The following RACK1 variants were observed in gnomAD, a reference collection of about 807,000 sequenced individuals.
RACK1 encodes small ribosomal subunit protein RACK1.
RACK1 carries 3 observed loss-of-function variants against 42.2 expected under a neutral mutation model. The observed-to-expected ratio is 0.07, with a 90% CI of 0.03 to 0.18. RACK1 has a LOEUF of 0.18. Among genes scored for constraint, RACK1 ranks in the 10% least tolerant of loss-of-function variants. The pLI, the probability that RACK1 is intolerant of heterozygous loss-of-function variation, is 1.00. For missense variants in RACK1, 146 were observed against 403.2 expected, an observed-to-expected ratio of 0.36 and a Z score of 5.46; for synonymous variants, 181 against 154.8, an observed-to-expected ratio of 1.17 and a Z score of -1.25.
intron 1 of RACK1, 99 bp from the exon 2 acceptor site, chr5:181,242,444 A>G: frequency 2.7e-6 from 2 of 752,028 alleles, no homozygotes; most frequent in Non-Finnish European, 4.4e-6. Flanking sequence ...GTGGGTTAAC[A>G]ACAACTAAGG....
chr5:181,241,766 C>T (rs1271622646), intron 2 of RACK1, 127 bp from the exon 3 acceptor site: 1 of 1,014,916 alleles, frequency 9.9e-7, no homozygotes, highest in Non-Finnish European at 1.6e-6. Context: ...GCTCTGATCA[C>T]AGAGTCAAGT....
At position 181,241,476 on chromosome 5, in the gene RACK1, A is replaced by T. The variant is rs1389434490; in HGVS notation, c.429+16T>A. 6.3e-7 allele frequency: 1 copy of T among 1,585,852 alleles called. No individual in the cohort carries two copies. Among genetic ancestry groups the T allele is most frequent in the Admixed American group, 1.7e-5 (1 of 59,526 alleles). On this transcript the variant is annotated intron_variant, in intron 3 of 7. Transcript: ENST00000512805. ...TTAAGAGGGTGGAAGAGATCCTTGG[A>T]GATGGCTCACTTTACCTGGACAGTG...
chr5:181,241,294 T>C lies in RACK1; in HGVS notation c.429+198A>G, dbSNP rs1258449247. The C allele has an allele frequency of 6.7e-5, 36 of 541,250 alleles. No individual in the cohort carries two copies. The Admixed American group carries it at 1.1e-3, about 17-fold the overall frequency. 33.5% of individuals were successfully genotyped at this position (541,250 alleles called of 1,614,324 possible). On this transcript the variant is annotated intron_variant, in intron 3 of 7. Coordinates refer to ENST00000512805, the MANE Select transcript of RACK1 (RefSeq NM_006098.5). ...AACACAAAAAATTAGCTAGGCGTGGTGGCTGCGCACCTGTAGTACCAGCTA... is the reference window on the plus strand; with the variant it reads ...AACACAAAAAATTAGCTAGGCGTGGCGGCTGCGCACCTGTAGTACCAGCTA...
Position 181,237,599 on chromosome 5 carries a change from A to G in RACK1, c.888+10T>C, listed in dbSNP as rs762831199. The stretch of plus-strand genomic sequence containing the variant: ...GAAGCAGAATCACCTGAGAGGACAG[A>G]CCCACTTACCTGGCCATCAGCAGAC... On this transcript the variant is annotated intron_variant, in intron 7 of 7. Transcript: ENST00000512805. The G allele has an allele frequency of 2.1e-6, 3 of 1,430,328 alleles. No individual in the cohort carries two copies. Among genetic ancestry groups the G allele is most frequent in the African/African-American group, 2.8e-5 (2 of 71,412 alleles). 88.6% of individuals were successfully genotyped at this position (1,430,328 alleles called of 1,614,324 possible). A position where few individuals can be genotyped will look rare whatever the true frequency, so the allele number is the denominator to read the frequency against.
At position 181,243,887 on chromosome 5, in the gene RACK1, C is replaced by A; in HGVS notation, c.-87G>T. ...CTAGCACCACAACCTCTCCTGCCGC[C>A]GCCTTGCAGTGAAAGAGAGAGAGAA... On this transcript the variant is annotated 5_prime_UTR_variant, in exon 1 of 8. Transcript: ENST00000512805. 6.8e-7 allele frequency: 1 copy of A among 1,478,402 alleles called. No homozygotes were observed. Among genetic ancestry groups the A allele is most frequent in the Non-Finnish European group, 9.0e-7 (1 of 1,111,660 alleles). The allele number at this position is 1,478,402 out of a possible 1,614,324, so 91.6% of individuals were successfully genotyped here.
intron 1 of RACK1, 136 bp downstream of exon 1, chr5:181,243,556 T>C (rs748101749): frequency 1.3e-4 from 187 of 1,400,864 alleles, no homozygotes; most frequent in Non-Finnish European, 1.8e-4. Context: ...CAATTCACAA[T>C]GGGGCAGAGA....
chr5:181,243,324 A>G, intron 1 of RACK1: 1 of 1,364,998 alleles, frequency 7.3e-7, no homozygotes, highest in Non-Finnish European at 9.7e-7. Flanking sequence ...GCTCAGAAAC[A>G]GCCTCTGGAT....
intron 5 of RACK1, chr5:181,238,848 C>T (rs1759235600): frequency 3.5e-6 from 2 of 570,802 alleles, no homozygotes; most frequent in African/African-American, 1.9e-5. Flanking sequence ...AAAAAACCCA[C>T]AGGCTTATAG....
intron 1 of RACK1, chr5:181,243,300 T>G: frequency 7.4e-7 from 1 of 1,358,988 alleles, no homozygotes; most frequent in East Asian, 4.5e-5. Context: ...CCACGAGCCT[T>G]GGGCCGGGCG....
chr5:181,238,295 G>C, intron 5 of RACK1, 56 bp from the exon 6 acceptor site: 1 of 1,565,744 alleles, frequency 6.4e-7, no homozygotes, highest in Non-Finnish European at 8.8e-7. Context: ...TGTTAATTCT[G>C]CCCATCTCAA....
chr5:181,241,970 C>T (rs1759363708), intron 2 of RACK1: 3 of 774,588 alleles, frequency 3.9e-6, no homozygotes, highest in Non-Finnish European at 7.0e-6. Context: ...AACTTTTGCA[C>T]CTGGCAAAAA....
chr5:181,238,916 T>A, intron 5 of RACK1, 151 bp downstream of exon 5: 1 of 731,598 alleles, frequency 1.4e-6, no homozygotes, highest in East Asian at 2.6e-5. Context: ...GAAAGTAATC[T>A]TTGGAAACAT....
At chr5:181,237,760 A>C (rs1582292581) in intron 6 of RACK1, 41 bp from the exon 7 acceptor site, 2 of 546,044 alleles carry the variant, frequency 3.7e-6, no homozygotes, top group Non-Finnish European at 5.1e-6. Context: ...CTTACCAATC[A>C]AGAGAGTCTC....
At chr5:181,241,255 CCT>C (rs1759333513) in intron 3 of RACK1, 1 of 435,556 alleles carries the variant, frequency 2.3e-6, no homozygotes, top group South Asian at 3.3e-5. Context: ...ATGGTGAAAC[CCT>C]GTCTCTACTA....
In RACK1 at chr5:181,243,771, G is replaced by C; in HGVS notation, c.30C>G (p.Thr10=). ...TTACCCAGCCGTTGTGGCCCTTGAG[G>C]GTGCCACGAAGGGTCATCTGCTCAG... is the stretch of plus-strand genomic sequence containing the variant. The part of the protein sequence containing the change: MTEQMTLRG[T]LKGHNGWVTQ... The change falls in exon 1 of 8, where the codon ACC becomes ACG. Residue 10 remains threonine (T), a synonymous_variant. Coordinates refer to ENST00000512805, the MANE Select transcript of RACK1 (RefSeq NM_006098.5). The C allele has an allele frequency of 6.2e-7, 1 of 1,608,362 alleles. No homozygotes were observed. Among genetic ancestry groups the C allele is most frequent in the Middle Eastern group, 1.7e-4 (1 of 6,048 alleles).
chr5:181,243,193 G>A lies in RACK1; in HGVS notation c.109+499C>T, dbSNP rs976035979. On this transcript the variant is annotated intron_variant, in intron 1 of 7. Transcript: ENST00000512805. Reference sequence around the variant, plus strand: ...GCGGAAGCACAAGAAGCGTCTAAACGCAGTCAGGAACACAGGGATAGGGAC... The same window carrying A: ...GCGGAAGCACAAGAAGCGTCTAAACACAGTCAGGAACACAGGGATAGGGAC... 4.8e-6 allele frequency: 5 copies of A among 1,045,570 alleles called. No homozygotes were observed. In the African/African-American group the frequency reaches 8.2e-5, roughly 17 times the overall value. The allele number at this position is 1,045,570 out of a possible 1,614,324, so 64.8% of individuals were successfully genotyped here. A position where few individuals can be genotyped will look rare whatever the true frequency, so the allele number is the denominator to read the frequency against.
chr5:181,241,354 C>G lies in RACK1; in HGVS notation c.429+138G>C, dbSNP rs965943956. 9.8e-6 allele frequency: 7 copies of G among 715,256 alleles called. No homozygotes were observed. The South Asian group carries it at 1.1e-4, about 11-fold the overall frequency. The allele number at this position is 715,256 out of a possible 1,614,324, so 44.3% of individuals were successfully genotyped here. On this transcript the variant is annotated intron_variant, in intron 3 of 7. Coordinates refer to ENST00000512805, the MANE Select transcript of RACK1 (RefSeq NM_006098.5). ...CTGAGGCACCAGAATCCCTTGAGCC[C>G]GGGAGGCAGAGGTTGCAGTGAGCCG...
In RACK1 at chr5:181,237,701, T is replaced by C. The variant is rs200634984; in HGVS notation, c.796A>G (p.Ile266Val). Residue 266 changes from isoleucine (I) to valine (V), a missense_variant, in exon 7 of 8, where the codon ATT becomes GTT. By Grantham distance (29) the Ile-to-Val change is conservative. Transcript: ENST00000512805. The stretch of plus-strand genomic sequence containing the variant: ...ACTTCTTGCTTCAGTTCATCTACAA[T>C]GATCTTTCCCTCTAAATCCTGGGGA... ...IKIWDLEGKIIVDELKQEVIS... is the reference protein window; with the variant it reads ...IKIWDLEGKIVVDELKQEVIS... The C allele has an allele frequency of 1.9e-6, 3 of 1,605,366 alleles. No individual in the cohort carries two copies. Among genetic ancestry groups the C allele is most frequent in the East Asian group, 2.2e-5 (1 of 44,848 alleles).
intron 1 of RACK1, 170 bp downstream of exon 1, chr5:181,243,522 G>T: frequency 7.1e-7 from 1 of 1,404,538 alleles, no homozygotes. Flanking sequence ...CCGGGTTGAG[G>T]CCTAGGCTCG....
Sources: gnomAD v4.1 joint callset for allele counts on GRCh38, gnomAD v4.1.1 for gene constraint, MANE v1.5 for transcripts, NCBI Gene and HGNC (gene_info 2026-07-23, HGNC 2026-07-21) for gene names.